Variants in ZNF512 observed in about 807,000 individuals in gnomAD.
ZNF512 encodes zinc finger protein 512.
Under a neutral mutation model 77.5 loss-of-function variants are expected in ZNF512, and 25 were observed. The ratio of observed to expected loss-of-function variants is 0.32; its 90% CI spans 0.23 to 0.45. The LOEUF (loss-of-function observed/expected upper bound fraction) is 0.45, where lower values mean the gene tolerates loss of function less well. ZNF512 is among the 20% of genes least tolerant of loss of function. The pLI, the probability that ZNF512 is intolerant of heterozygous loss-of-function variation, is 1.00. For missense variants in ZNF512, 483 were observed against 692.6 expected (o/e 0.70, Z 3.40); for synonymous variants, 246 against 239.9 (o/e 1.03, Z -0.24).
chr2:27,612,233 T>C (rs1161911389), intron 10 of ZNF512, among the ~76,000 whole-genome samples: 1 of 152,190 alleles, frequency 6.6e-6, no homozygotes, highest in Non-Finnish European at 1.5e-5. Flanking sequence ...CTGTGTCTTT[T>C]TGACATCCCC....
chr2:27,612,800 A>G (rs560360282), intron 10 of ZNF512, among the ~76,000 whole-genome samples: 9 of 152,256 alleles, frequency 5.9e-5, no homozygotes, highest in African/African-American at 2.2e-4. Context: ...GTATTTTCCA[A>G]AGTTACTGAG....
At position 27,583,134 on chromosome 2, in the gene ZNF512, G is replaced by A. The variant is rs769303029; in HGVS notation, c.22G>A (p.Val8Ile). MSSRLGA[V>I]PATSGPTTFK... ...AGTGATGTCTTCCAGACTCGGTGCT[G>A]TACCCGCCGTGAGTTTCTTGGTTTG... Residue 8 changes from valine (V) to isoleucine (I), a missense_variant, in exon 1 of 14, where the codon GTA becomes ATA. Around this residue, in one of 2 missense-constraint regions of ZNF512, gnomAD observed 159 missense variants for 167.5 expected, o/e 0.95. Transcript: ENST00000355467. 1.2e-6 allele frequency: 2 copies of A among 1,613,934 alleles called. No individual in the cohort carries two copies. Among genetic ancestry groups the A allele is most frequent in the Non-Finnish European group, 8.5e-7 (1 of 1,180,012 alleles).
At chr2:27,584,426 A>G (rs1671243567) in intron 2 of ZNF512, among the ~76,000 whole-genome samples, 1 of 152,250 alleles carries the variant, frequency 6.6e-6, no homozygotes, top group Non-Finnish European at 1.5e-5. Context: ...CTTGTTAACT[A>G]GACATTAAAT....
At chr2:27,619,145 C>T (rs577217424) in intron 13 of ZNF512, among the ~76,000 whole-genome samples, 6 of 152,300 alleles carry the variant, frequency 3.9e-5, no homozygotes, top group Admixed American at 2.0e-4. Context: ...CACGGTGGCT[C>T]ACGCCTGTAA....
At chr2:27,607,460 C>T (rs1365198326) in intron 9 of ZNF512, among the ~76,000 whole-genome samples, 1 of 152,048 alleles carries the variant, frequency 6.6e-6, no homozygotes, top group Non-Finnish European at 1.5e-5. Flanking sequence ...CTCCACCTCC[C>T]TGGTTCAAGC....
chr2:27,619,281 T>G (rs551338735), intron 13 of ZNF512, among the ~76,000 whole-genome samples: 3 of 152,044 alleles, frequency 2.0e-5, no homozygotes, highest in Non-Finnish European at 4.4e-5. Flanking sequence ...CGGGCACCTG[T>G]AATCCCAGCT....
intron 2 of ZNF512, 116 bp downstream of exon 2, chr2:27,583,832 C>G: frequency 8.7e-7 from 1 of 1,143,018 alleles, no homozygotes; most frequent in Non-Finnish European, 1.2e-6. Flanking sequence ...TAGCCACTAA[C>G]CCGGTGTGGA....
Position 27,616,325 on chromosome 2 carries a change from G to T in ZNF512, c.1296+1G>T. 12 of 1,612,926 alleles carry T rather than the reference G, an allele frequency of 7.4e-6. No individual in the cohort carries two copies. Among genetic ancestry groups the T allele is most frequent in the Non-Finnish European group, 1.0e-5 (12 of 1,178,910 alleles). ...AGCTCACCTGGGCTCTTGTACATTG[G>T]TTTGTAACTTTTTAAACTTACTATC... On this transcript the variant is annotated splice_donor_variant, in intron 12 of 13. Coordinates refer to ENST00000355467, the MANE Select transcript of ZNF512 (RefSeq NM_032434.4). LOFTEE classifies it high-confidence loss of function.
rs912756339 is a variant in ZNF512, at chr2:27,622,539, T to C, written c.*1078T>C. 1 of 152,786 alleles carries C rather than the reference T, an allele frequency of 6.5e-6. No homozygotes were observed. The highest frequency in any genetic ancestry group is 2.4e-5 in the African/African-American group (1 of 41,452). The allele number at this position is 152,786 out of a possible 1,614,324, so 9.5% of individuals were successfully genotyped here. A position where few individuals can be genotyped will look rare whatever the true frequency, so the allele number is the denominator to read the frequency against. On this transcript the variant is annotated 3_prime_UTR_variant, in exon 14 of 14. Coordinates refer to ENST00000355467, the MANE Select transcript of ZNF512 (RefSeq NM_032434.4). ...CTGAGACTTTGACACCAGATGTAGATATTTATCTGGAGCTGGAAAGAAAAA... is the reference window on the plus strand; with the variant it reads ...CTGAGACTTTGACACCAGATGTAGACATTTATCTGGAGCTGGAAAGAAAAA...
At chr2:27,621,064 AT>A in intron 13 of ZNF512, 88 bp from the exon 14 acceptor site, 1 of 1,452,864 alleles carries the variant, frequency 6.9e-7, no homozygotes, top group Non-Finnish European at 9.3e-7. Flanking sequence ...TTCTGCCCTA[AT>A]CATGCCTTTT....
intron 2 of ZNF512, 77 bp downstream of exon 2, chr2:27,583,793 A>G: frequency 3.9e-6 from 6 of 1,524,524 alleles, no homozygotes; most frequent in Non-Finnish European, 4.5e-6. Flanking sequence ...TGTGATGAAA[A>G]TGTTCTGTAT....
chr2:27,600,384 C>T (rs1002353519), intron 5 of ZNF512, among the ~76,000 whole-genome samples: 2 of 152,190 alleles, frequency 1.3e-5, no homozygotes, highest in African/African-American at 4.8e-5. Context: ...CAGGCTGTGA[C>T]GTTTCTCAGT....
At chr2:27,601,941 GC>G (rs1672132721) in intron 7 of ZNF512, among the ~76,000 whole-genome samples, 4 of 152,066 alleles carry the variant, frequency 2.6e-5, no homozygotes. Flanking sequence ...GAGCCATCGC[GC>G]CCAGAAATTT....
chr2:27,592,056 C>G (rs1275069132), intron 2 of ZNF512, among the ~76,000 whole-genome samples: 8 of 152,040 alleles, frequency 5.3e-5, no homozygotes, highest in African/African-American at 1.7e-4. Flanking sequence ...GTGGCGCAAC[C>G]TCTGCTCACT....
At chr2:27,591,540 G>A (rs867331713) in intron 2 of ZNF512, among the ~76,000 whole-genome samples, 2 of 152,018 alleles carry the variant, frequency 1.3e-5, no homozygotes, top group Admixed American at 6.5e-5. Context: ...TCAGCCTCCC[G>A]AGTAGCTGGG....
At chr2:27,613,233 C>T (rs1672741131) in intron 10 of ZNF512, among the ~76,000 whole-genome samples, 1 of 152,240 alleles carries the variant, frequency 6.6e-6, no homozygotes, top group South Asian at 2.1e-4. Context: ...TGTAGTGGCT[C>T]ACACCTGTAA....
chr2:27,618,579 A>C (rs72852158), intron 13 of ZNF512, among the ~76,000 whole-genome samples: 1,740 of 152,334 alleles, frequency 0.011, 28 homozygotes, highest in African/African-American at 0.038. Context: ...ACTAATTTGC[A>C]CATAGTTCAG....
chr2:27,583,262 C>T, intron 1 of ZNF512, 120 bp downstream of exon 1: 1 of 1,446,400 alleles, frequency 6.9e-7, no homozygotes, highest in South Asian at 1.1e-5. Context: ...TAGGCCCCAC[C>T]CTTCTAGATC....
intron 13 of ZNF512, 139 bp downstream of exon 13, chr2:27,617,710 TA>T: frequency 1.8e-6 from 1 of 571,368 alleles, no homozygotes. Context: ...AAATATTCTC[TA>T]AACTTAGATA....
Sources: gnomAD v4.1 joint callset for allele counts (sites outside exome capture counted in the v4.1 genomes callset) on GRCh38, gnomAD v4.1.1 for gene constraint, gnomAD v4.1.1 regional missense constraint, MANE v1.5 for transcripts, NCBI Gene and HGNC (gene_info 2026-07-23, HGNC 2026-07-21) for gene names.